The following CEP128 variants were observed in gnomAD, a reference collection of about 807,000 sequenced individuals.
CEP128 encodes the protein centrosomal protein 128, also known as centrosomal protein 128kDa.
Under a neutral mutation model 156.7 loss-of-function variants are expected in CEP128, and 132 were observed. The ratio of observed to expected loss-of-function variants is 0.84; its 90% CI spans 0.73 to 0.97. The LOEUF is 0.97. Ranked by LOEUF, CEP128 falls within the 50% of genes least tolerant of loss-of-function variation. The probability of loss-of-function intolerance (pLI) is 0.00; values close to 1 mark genes in which losing one functional copy is unlikely to be tolerated. For missense variants in CEP128, 1,252 were observed against 1,281.9 expected (o/e 0.98, Z 0.36); for synonymous variants, 469 against 448.9 (o/e 1.04, Z -0.57).
Position 80,743,211 on chromosome 14 carries a change from ATT to A in CEP128, c.2668_2669del (p.Asn890SerfsTer17). ...TGCAGAGCATCAGCTGGTGTCGCAG[ATT>A]TTTCTCTCTGTTTTCTCTCTCTTTC... Reference protein sequence around the residue: ...ELKERENREKNLRHQLMLCRQ... With the variant: ...ELKERENREKXLRHQLMLCRQ... On this transcript the variant is annotated frameshift_variant, in exon 19 of 25. Transcript: ENST00000555265. LOFTEE classifies it high-confidence loss of function. 6.2e-7 allele frequency: 1 copy of A among 1,613,654 alleles called. No homozygotes were observed. Among genetic ancestry groups the A allele is most frequent in the Non-Finnish European group, 8.5e-7 (1 of 1,179,842 alleles).
intron 18 of CEP128, among the ~76,000 whole-genome samples, chr14:80,755,074 C>A (rs1252835591): frequency 6.6e-6 from 1 of 152,120 alleles, no homozygotes; most frequent in Non-Finnish European, 1.5e-5. Flanking sequence ...CACCCTTAAT[C>A]TGGGTGGGCA....
chr14:80,495,159 A>G (rs564466775), downstream of CEP128, among the ~76,000 whole-genome samples: 1 of 152,226 alleles, frequency 6.6e-6, no homozygotes, highest in South Asian at 2.1e-4. Context: ...GCTACAAGCA[A>G]TATGGTGGAC....
At chr14:80,944,867 C>CAAAAAAAAAA (rs1886300031), upstream of CEP128, among the ~76,000 whole-genome samples, 2 of 43,580 alleles carry the variant, frequency 4.6e-5, no homozygotes, top group African/African-American at 6.9e-5. Flanking sequence ...ACAGAAAAAA[C>CAAAAAAAAAA]AGAACAAAAC....
At chr14:80,601,155 A>G (rs1892565462) in intron 19 of CEP128, among the ~76,000 whole-genome samples, 1 of 152,172 alleles carries the variant, frequency 6.6e-6, no homozygotes, top group South Asian at 2.1e-4. Flanking sequence ...AACAAAAGAA[A>G]AGGCAATTAT....
At chr14:80,520,251 T>C (rs1399171861) in intron 23 of CEP128, among the ~76,000 whole-genome samples, 3 of 152,016 alleles carry the variant, frequency 2.0e-5, no homozygotes, top group Non-Finnish European at 4.4e-5. Flanking sequence ...AAACCCCATC[T>C]CCACTAAAAA....
chr14:80,739,736 T>C (rs1474120176), intron 19 of CEP128, among the ~76,000 whole-genome samples: 1 of 152,166 alleles, frequency 6.6e-6, no homozygotes, highest in Non-Finnish European at 1.5e-5. Context: ...CTAACAATGT[T>C]ATTGTGTCCC....
chr14:80,886,743 A>G (rs1451006065), intron 8 of CEP128, among the ~76,000 whole-genome samples: 1 of 152,232 alleles, frequency 6.6e-6, no homozygotes, highest in Non-Finnish European at 1.5e-5. Context: ...ATAACCAGCT[A>G]GCATCATAAT....
chr14:80,526,777 C>A, intron 23 of CEP128, 92 bp downstream of exon 23: 1 of 621,210 alleles, frequency 1.6e-6, no homozygotes, highest in South Asian at 2.2e-5. Flanking sequence ...TCACAAGTGC[C>A]CTTACACAAA....
chr14:80,954,260 A>C (rs12590236), intron 2 of CEP128, among the ~76,000 whole-genome samples: 24,799 of 150,872 alleles, frequency 0.16, 2,319 homozygotes, highest in East Asian at 0.43. Flanking sequence ...ACGGAGCAAG[A>C]CTCCGTTTCA....
chr14:80,872,787 G>A (rs531610579), intron 8 of CEP128, among the ~76,000 whole-genome samples: 81 of 152,118 alleles, frequency 5.3e-4, no homozygotes, highest in African/African-American at 1.5e-3. Flanking sequence ...ACAATACATC[G>A]ACCAGTTATA....
At chr14:80,587,001 T>C (rs1373156731) in intron 19 of CEP128, among the ~76,000 whole-genome samples, 1 of 152,120 alleles carries the variant, frequency 6.6e-6, no homozygotes. Context: ...ACATTTAAAA[T>C]AGTGCTTGGT....
intron 4 of CEP128, among the ~76,000 whole-genome samples, chr14:80,913,933 AT>A (rs1884397657): frequency 6.6e-6 from 1 of 152,268 alleles, no homozygotes; most frequent in African/African-American, 2.4e-5. Flanking sequence ...ATTTTAAAAA[AT>A]TAAAAAGGGG....
intron 16 of CEP128, among the ~76,000 whole-genome samples, chr14:80,768,100 C>A (rs989981833): frequency 5.3e-5 from 8 of 152,108 alleles, no homozygotes; most frequent in Non-Finnish European, 1.2e-4. Flanking sequence ...GTCAAGCATA[C>A]AACCAATACA....
chr14:80,712,879 C>T (rs957218563), intron 19 of CEP128, among the ~76,000 whole-genome samples: 36 of 152,148 alleles, frequency 2.4e-4, no homozygotes, highest in African/African-American at 8.4e-4. Flanking sequence ...CCATTATATC[C>T]AGCTTAGGCT....
intron 22 of CEP128, 130 bp from the exon 23 acceptor site, chr14:80,527,112 T>C (rs922443326): frequency 1.7e-6 from 1 of 574,276 alleles, no homozygotes; most frequent in Admixed American, 3.0e-5. Flanking sequence ...TAGAGATATA[T>C]AGGAGAATCA....
At chr14:80,743,910 C>T (rs1898964687) in intron 18 of CEP128, among the ~76,000 whole-genome samples, 1 of 149,756 alleles carries the variant, frequency 6.7e-6, no homozygotes, top group Non-Finnish European at 1.5e-5. Flanking sequence ...CTCACTCTGT[C>T]GCCCGGGATA....
chr14:80,687,311 A>G (rs1896559537), intron 19 of CEP128, among the ~76,000 whole-genome samples: 1 of 152,162 alleles, frequency 6.6e-6, no homozygotes, highest in South Asian at 2.1e-4. Flanking sequence ...CACAATAGCA[A>G]TGACATTGAA....
chr14:80,927,023 A>C (rs1885187079), intron 2 of CEP128, among the ~76,000 whole-genome samples: 1 of 152,232 alleles, frequency 6.6e-6, no homozygotes, highest in South Asian at 2.1e-4. Context: ...AGGACAGTTT[A>C]CAGCAGTGGA....
intron 19 of CEP128, among the ~76,000 whole-genome samples, chr14:80,633,825 G>A (rs943064335): frequency 2.6e-5 from 4 of 152,108 alleles, no homozygotes; most frequent in African/African-American, 9.7e-5. Flanking sequence ...GTGTGCCCAT[G>A]GGAGGTGTCC....
Sources: gnomAD v4.1 joint callset for allele counts (sites outside exome capture counted in the v4.1 genomes callset) on GRCh38, gnomAD v4.1.1 for gene constraint, MANE v1.5 for transcripts, NCBI Gene and HGNC (gene_info 2026-07-23, HGNC 2026-07-21) for gene names.